Variants in SHPK observed in about 807,000 individuals in gnomAD.
The protein encoded by SHPK is sedoheptulokinase.
Under a neutral mutation model 46.3 loss-of-function variants are expected in SHPK, and 51 were observed. The ratio of observed to expected loss-of-function variants is 1.10; its 90% CI spans 0.88 to 1.39. SHPK has a LOEUF of 1.39. Among genes scored for constraint, SHPK ranks in the 40% most tolerant of loss-of-function variants. The probability of loss-of-function intolerance (pLI) is 0.00; values close to 1 mark genes in which losing one functional copy is unlikely to be tolerated. For synonymous variants in SHPK, 290 were observed against 273.9 expected, an observed-to-expected ratio of 1.06 and a Z score of -0.58; for missense variants, 668 against 641.3, an observed-to-expected ratio of 1.04 and a Z score of -0.45.
At chr17:3,634,795 T>C (rs1277816888) in intron 1 of SHPK, among the ~76,000 whole-genome samples, 1 of 152,022 alleles carries the variant, frequency 6.6e-6, no homozygotes, top group African/African-American at 2.4e-5. Context: ...GCTCCTGAAA[T>C]CCCTATCCTC....
chr17:3,626,721 CAAA>C (rs59861502), intron 2 of SHPK, among the ~76,000 whole-genome samples: 33,418 of 106,654 alleles, frequency 0.31, 4,369 homozygotes, highest in Non-Finnish European at 0.37. Flanking sequence ...GACTCCATCT[CAAA>C]AAAAAAAAAA....
intron 2 of SHPK, among the ~76,000 whole-genome samples, chr17:3,628,171 A>G (rs185102825): frequency 2.0e-4 from 30 of 152,278 alleles, no homozygotes; most frequent in Middle Eastern, 3.4e-3. Context: ...TGAAATCCTC[A>G]TAACTACAGC....
At chr17:3,632,702 C>T (rs1326452511) in intron 1 of SHPK, among the ~76,000 whole-genome samples, 1 of 152,106 alleles carries the variant, frequency 6.6e-6, no homozygotes, top group African/African-American at 2.4e-5. Flanking sequence ...GTCGAATCCT[C>T]GCGCTTTAGA....
intron 4 of SHPK, among the ~76,000 whole-genome samples, 169 bp downstream of exon 4, chr17:3,623,170 G>A (rs541369788): frequency 6.6e-6 from 1 of 152,226 alleles, no homozygotes; most frequent in South Asian, 2.1e-4. Flanking sequence ...CTTACACTGG[G>A]CCCATCCATG....
chr17:3,630,411 C>T (rs1487242428), intron 1 of SHPK, 65 bp from the exon 2 acceptor site: 1 of 1,483,826 alleles, frequency 6.7e-7, no homozygotes, highest in African/African-American at 1.4e-5. Context: ...GCGCAGGCCT[C>T]CCGGGATGTC....
rs1360554898 is a variant in SHPK at position 3,610,573 on chromosome 17, T to C, written c.1424A>G (p.Gln475Arg). Residue 475 changes from glutamine (Q) to arginine (R), a missense_variant, in exon 7 of 7, where the codon CAG (glutamine) becomes CGG (arginine). Gln to Arg is a conservative substitution (Grantham distance 43, BLOSUM62 1). Coordinates refer to ENST00000225519, the MANE Select transcript of SHPK (RefSeq NM_013276.4). ...ALVMLRRHLN[Q>R]KES ...AGAGTTTGCTGTCTAAGATTCCTTCTGGTTGAGGTGTCTCCGGAGCATGAC... is the reference window on the plus strand; with the variant it reads ...AGAGTTTGCTGTCTAAGATTCCTTCCGGTTGAGGTGTCTCCGGAGCATGAC... The C allele has an allele frequency of 6.3e-7, 1 of 1,597,616 alleles. No individual in the cohort carries two copies. Among genetic ancestry groups the C allele is most frequent in the Admixed American group, 1.7e-5 (1 of 59,214 alleles).
At chr17:3,625,945 C>T (rs899098302) in intron 2 of SHPK, among the ~76,000 whole-genome samples, 30 of 152,136 alleles carry the variant, frequency 2.0e-4, no homozygotes, top group African/African-American at 6.7e-4. Context: ...CCCAGCTACT[C>T]CGGAGGCTGA....
intron 2 of SHPK, among the ~76,000 whole-genome samples, chr17:3,628,051 G>C (rs181771673): frequency 4.6e-5 from 7 of 152,046 alleles, no homozygotes; most frequent in Admixed American, 4.6e-4. Context: ...TCCTGGGAGT[G>C]ATTAAACGGT....
intron 6 of SHPK, among the ~76,000 whole-genome samples, chr17:3,613,869 G>T (rs1409046201): frequency 2.0e-5 from 3 of 152,060 alleles, no homozygotes; most frequent in African/African-American, 7.2e-5. Context: ...GCCAAAAAAG[G>T]TTGGAAGGGA....
chr17:3,621,974 A>G, intron 4 of SHPK, among the ~76,000 whole-genome samples: 1 of 145,240 alleles, frequency 6.9e-6, no homozygotes, highest in Non-Finnish European at 1.5e-5. Flanking sequence ...TTTTTGAGAC[A>G]GGGTCTAGCT....
intron 2 of SHPK, among the ~76,000 whole-genome samples, chr17:3,629,945 T>G (rs2075460231): frequency 6.6e-6 from 1 of 152,038 alleles, no homozygotes; most frequent in African/African-American, 2.4e-5. Context: ...TTCAGGAGAA[T>G]CCGAGAAAAC....
chr17:3,626,582 C>T (rs1416926960), intron 2 of SHPK, among the ~76,000 whole-genome samples: 1 of 151,752 alleles, frequency 6.6e-6, no homozygotes, highest in Non-Finnish European at 1.5e-5. Flanking sequence ...ATTAGCCGGG[C>T]GTGATGGCGG....
Position 3,624,103 on chromosome 17 carries a change from G to A in SHPK, c.439C>T (p.Leu147Phe), listed in dbSNP as rs757427653. ...CAGCCGAAGCCCGTGGCCACACTGA[G>A]ATGAGACTTCGGCTGGGGCAGAGAG... Reference protein sequence around the residue: ...LASLPQPKSHLSVATGFGCAT... With the variant: ...LASLPQPKSHFSVATGFGCAT... Residue 147 changes from leucine (L) to phenylalanine (F), a missense_variant, in exon 3 of 7, where the codon CTC (leucine) becomes TTC (phenylalanine). Transcript: ENST00000225519. The A allele has an allele frequency of 2.5e-6, 4 of 1,614,014 alleles. No homozygotes were observed. Among genetic ancestry groups the A allele is most frequent in the Non-Finnish European group, 3.4e-6 (4 of 1,179,952 alleles).
chr17:3,619,627 G>C, intron 5 of SHPK: 3 of 371,024 alleles, frequency 8.1e-6, no homozygotes, highest in South Asian at 6.8e-5. Flanking sequence ...CATCTACTCG[G>C]GAGGACAAGG....
intron 2 of SHPK, among the ~76,000 whole-genome samples, chr17:3,625,931 T>C (rs1318982608): frequency 6.6e-6 from 1 of 152,112 alleles, no homozygotes; most frequent in Non-Finnish European, 1.5e-5. Context: ...CGGGTGCCTG[T>C]AATCCCAGCT....
Position 3,636,055 on chromosome 17 carries a change from G to A in SHPK, c.165C>T (p.Pro55=). ...EAAVESAVAG[P]QGREQDVSRI... is the part of the protein sequence containing the mutation. Reference sequence around the variant, plus strand: ...CGGCCCCGGGGGTCCAACTCACCTGGGGCCCGGCCACCGCGCTCTCGACCG... The same window carrying A: ...CGGCCCCGGGGGTCCAACTCACCTGAGGCCCGGCCACCGCGCTCTCGACCG... The change falls in exon 1 of 7, where the codon CCC becomes CCT. Residue 55 remains proline (P), a synonymous_variant. Transcript: ENST00000225519. The A allele has an allele frequency of 6.4e-7, 1 of 1,557,944 alleles. No individual in the cohort carries two copies. The highest frequency in any genetic ancestry group is 8.7e-7 in the Non-Finnish European group (1 of 1,154,148).
At chr17:3,635,835 C>CG (rs903393120) in intron 1 of SHPK, among the ~76,000 whole-genome samples, 18 of 147,466 alleles carry the variant, frequency 1.2e-4, no homozygotes, top group Non-Finnish European at 2.2e-4. Flanking sequence ...GGGGAGGGGG[C>CG]GGGGGGGAAT....
At chr17:3,622,337 G>A (rs980829813) in intron 4 of SHPK, among the ~76,000 whole-genome samples, 6 of 152,170 alleles carry the variant, frequency 3.9e-5, no homozygotes, top group Admixed American at 3.3e-4. Context: ...ATAGGCAGCC[G>A]TGATCAAGTC....
chr17:3,618,455 C>CT (rs35836760), intron 5 of SHPK, among the ~76,000 whole-genome samples: 1 of 152,078 alleles, frequency 6.6e-6, no homozygotes, highest in African/African-American at 2.4e-5. Flanking sequence ...ACATTCAATC[C>CT]TTTTTTAGCT....
Sources: allele counts gnomAD v4.1 joint callset (sites outside exome capture counted in the v4.1 genomes callset), GRCh38; gene constraint gnomAD v4.1.1; transcripts MANE v1.5; gene names NCBI Gene and HGNC (gene_info 2026-07-23, HGNC 2026-07-21).